PUS7L: variants seen among roughly 807,000 people sequenced by gnomAD.
The protein encoded by PUS7L is pseudouridine synthase 7 like.
Under a neutral mutation model 51.1 loss-of-function variants are expected in PUS7L, and 49 were observed. That is an observed-to-expected ratio of 0.96 (90% CI 0.76 to 1.22). The LOEUF is 1.22. Ranked by LOEUF, PUS7L falls within the 50% of genes most tolerant of loss-of-function variation. PUS7L has a pLI of 0.00. For missense variants in PUS7L, 828 were observed against 820.6 expected, an observed-to-expected ratio of 1.01 and a Z score of -0.11; for synonymous variants, 277 against 276.2, an observed-to-expected ratio of 1.00 and a Z score of -0.03.
chr12:43,755,444 C>A (rs1938656868), intron 1 of PUS7L, among the ~76,000 whole-genome samples, 183 bp from the exon 2 acceptor site: 1 of 152,080 alleles, frequency 6.6e-6, no homozygotes, highest in Non-Finnish European at 1.5e-5. Flanking sequence ...TCTCCTATAC[C>A]AAGCTGAATT....
Position 43,754,550 on chromosome 12 carries a change from G to A in PUS7L, c.696C>T (p.Thr232=). 3 of 1,609,874 alleles carry A rather than the reference G, an allele frequency of 1.9e-6. No individual in the cohort carries two copies. The highest frequency in any genetic ancestry group is 1.7e-6 in the Non-Finnish European group (2 of 1,178,650). The change falls in exon 2 of 9, where the codon ACC becomes ACT. Residue 232 remains threonine (T), a synonymous_variant. Transcript: ENST00000344862. The part of the protein sequence containing the change: ...LDAKKENSKF[T]FKPDTNKDHR... The stretch of plus-strand genomic sequence containing the variant: ...GGTCTTTGTTTGTATCAGGTTTAAA[G>A]GTAAATTTGGAATTTTCTTTCTTTG...
chr12:43,737,016 T>C (rs951545263), intron 6 of PUS7L, among the ~76,000 whole-genome samples: 5 of 152,194 alleles, frequency 3.3e-5, no homozygotes, highest in African/African-American at 1.2e-4. Context: ...AATAATTTAA[T>C]TGCTGAGCTA....
intron 7 of PUS7L, 84 bp downstream of exon 7, chr12:43,736,297 G>C (rs562250607): frequency 9.1e-7 from 1 of 1,101,370 alleles, no homozygotes; most frequent in Non-Finnish European, 1.3e-6. Context: ...TATGTTTAAA[G>C]TGTTTCTATA....
intron 1 of PUS7L, among the ~76,000 whole-genome samples, chr12:43,758,134 G>A (rs867680837): frequency 1.1e-4 from 17 of 152,202 alleles, no homozygotes; most frequent in African/African-American, 4.1e-4. Flanking sequence ...GCATGGTCAA[G>A]AACATAGCTG....
At chr12:43,747,165 G>C (rs1423665838) in intron 3 of PUS7L, among the ~76,000 whole-genome samples, 1 of 152,068 alleles carries the variant, frequency 6.6e-6, no homozygotes, top group Admixed American at 6.6e-5. Flanking sequence ...TTCACATTTT[G>C]AAGTTTATCT....
At chr12:43,744,363 AGAGT>A (rs1938062046) in intron 4 of PUS7L, among the ~76,000 whole-genome samples, 1 of 152,198 alleles carries the variant, frequency 6.6e-6, no homozygotes. Flanking sequence ...TGTTCTCATG[AGAGT>A]GAGTTCTCAC....
At position 43,748,529 on chromosome 12, in the gene PUS7L, C is replaced by A; in HGVS notation, c.991G>T (p.Asp331Tyr). ...TCTTTAAGGCCTGCATAACTAAAATCCGAAGGAATAACACCAAGTTTGATA... is the reference window on the plus strand; with the variant it reads ...TCTTTAAGGCCTGCATAACTAAAATACGAAGGAATAACACCAAGTTTGATA... ...LAIKLGVIPS[D>Y]FSYAGLKDKK... The change falls in exon 3 of 9, where the codon GAT becomes TAT. Residue 331 changes from aspartate to tyrosine, a missense_variant. Coordinates refer to ENST00000344862, the MANE Select transcript of PUS7L (RefSeq NM_031292.5). 6.2e-7 allele frequency: 1 copy of A among 1,611,770 alleles called. No homozygotes were observed.
chr12:43,749,262 A>G (rs74890729), intron 2 of PUS7L, among the ~76,000 whole-genome samples: 2,808 of 152,292 alleles, frequency 0.018, 56 homozygotes, highest in South Asian at 0.071. Flanking sequence ...AGCCTTCAAC[A>G]GTTTTGTACT....
At chr12:43,752,482 A>G (rs1938501908) in intron 2 of PUS7L, among the ~76,000 whole-genome samples, 1 of 152,210 alleles carries the variant, frequency 6.6e-6, no homozygotes, top group African/African-American at 2.4e-5. Flanking sequence ...TGACCATTAT[A>G]TCCCATCCAC....
Position 43,726,858 on chromosome 12 carries a change from A to C in PUS7L, c.*3518T>G, listed in dbSNP as rs1355674918. On this transcript the variant is annotated 3_prime_UTR_variant, in exon 9 of 9. Coordinates refer to ENST00000344862, the MANE Select transcript of PUS7L (RefSeq NM_031292.5). ...AAAAAAAAATTGACAAGTGGGACCTAATTAAACTAAATAGCTTCTGCACAG... is the reference window on the plus strand; with the variant it reads ...AAAAAAAAATTGACAAGTGGGACCTCATTAAACTAAATAGCTTCTGCACAG... The C allele has an allele frequency of 6.6e-6, 1 of 152,108 alleles. No individual in the cohort carries two copies. The highest frequency in any genetic ancestry group is 1.5e-5 in the Non-Finnish European group (1 of 68,008). The allele number at this position is 152,108 out of a possible 1,614,324, so 9.4% of individuals were successfully genotyped here.
In PUS7L at chr12:43,729,281, TA is replaced by T; in HGVS notation, c.*1094del. ...TCTTTTGGATTTTATTTCCTAATGCTAACATTTCCCAAAATGGTTAAACTGG... is the reference window on the plus strand; with the variant it reads ...TCTTTTGGATTTTATTTCCTAATGCTACATTTCCCAAAATGGTTAAACTGG... On this transcript the variant is annotated 3_prime_UTR_variant, in exon 9 of 9. Transcript: ENST00000344862. 2.5e-6 allele frequency: 1 copy of T among 397,562 alleles called. No homozygotes were observed. Among genetic ancestry groups the T allele is most frequent in the Non-Finnish European group, 4.4e-6 (1 of 225,300 alleles). 24.6% of individuals were successfully genotyped at this position (397,562 alleles called of 1,614,324 possible).
chr12:43,729,097 A>G lies in PUS7L; in HGVS notation c.*1279T>C, dbSNP rs1944495332. On this transcript the variant is annotated 3_prime_UTR_variant, in exon 9 of 9. Coordinates refer to ENST00000344862, the MANE Select transcript of PUS7L (RefSeq NM_031292.5). ...ATTTTCTCATGAAACTAAATTGTTC[A>G]TTGCTTTTTTAAATAACTACATATT... The G allele has an allele frequency of 5.1e-6, 2 of 393,694 alleles. No individual in the cohort carries two copies. Among genetic ancestry groups the G allele is most frequent in the Admixed American group, 4.4e-5 (1 of 22,606 alleles). The allele number at this position is 393,694 out of a possible 1,614,324, so 24.4% of individuals were successfully genotyped here. A position where few individuals can be genotyped will look rare whatever the true frequency, so the allele number is the denominator to read the frequency against.
chr12:43,736,449 T>G lies in PUS7L; in HGVS notation c.1657A>C (p.Arg553=), dbSNP rs1455437481. ...VSYRLETYGA[R]VVQGDLVCLD... Reference sequence around the variant, plus strand: ...CAGACCAAATCACCCTGCACTACTCTTGCTCCATAGGTTTCAAGTCTGTAA... The same window carrying G: ...CAGACCAAATCACCCTGCACTACTCGTGCTCCATAGGTTTCAAGTCTGTAA... The change falls in exon 7 of 9, where the codon AGA becomes CGA. Residue 553 remains arginine (R), a synonymous_variant. Transcript: ENST00000344862. 1.2e-6 allele frequency: 2 copies of G among 1,614,198 alleles called. No homozygotes were observed. The highest frequency in any genetic ancestry group is 3.3e-5 in the Admixed American group (2 of 60,024).
At chr12:43,731,919 T>C (rs912880225) in intron 7 of PUS7L, among the ~76,000 whole-genome samples, 161 bp from the exon 8 acceptor site, 2 of 152,178 alleles carry the variant, frequency 1.3e-5, no homozygotes, top group Non-Finnish European at 2.9e-5. Context: ...AGGAGTAGAC[T>C]ACATAAAAAT....
chr12:43,737,857 A>G (rs1937685064), intron 6 of PUS7L: 1 of 160,084 alleles, frequency 6.2e-6, no homozygotes, highest in Non-Finnish European at 1.4e-5. Flanking sequence ...CAAGCATTCT[A>G]TATGTATTCC....
intron 7 of PUS7L, among the ~76,000 whole-genome samples, chr12:43,732,459 G>GAAAA (rs561462389): frequency 7.2e-6 from 1 of 139,118 alleles, no homozygotes. Context: ...AAATAAAATT[G>GAAAA]AAAAAAAAAA....
Position 43,730,159 on chromosome 12 carries a change from A to C in PUS7L, c.*217T>G, listed in dbSNP as rs74085315. The C allele has an allele frequency of 2.9e-5, 15 of 513,246 alleles. No homozygotes were observed. The highest frequency in any genetic ancestry group is 9.0e-5 in the East Asian group (3 of 33,446). The allele number at this position is 513,246 out of a possible 1,614,324, so 31.8% of individuals were successfully genotyped here. On this transcript the variant is annotated 3_prime_UTR_variant, in exon 9 of 9. Coordinates refer to ENST00000344862, the MANE Select transcript of PUS7L (RefSeq NM_031292.5). ...CACTGAAACATATAATAGAAAAAAA[A>C]CACAGGCTTTGGGGTCACATGGACC... is the stretch of plus-strand genomic sequence containing the variant.
intron 2 of PUS7L, among the ~76,000 whole-genome samples, chr12:43,751,398 C>T (rs1308438549): frequency 6.8e-5 from 10 of 147,202 alleles, no homozygotes; most frequent in Admixed American, 1.4e-4. Context: ...CTTCCGGTGT[C>T]CAGGTGTTCT....
intron 2 of PUS7L, among the ~76,000 whole-genome samples, chr12:43,752,981 A>G (rs1010009013): frequency 6.6e-6 from 1 of 152,132 alleles, no homozygotes; most frequent in Non-Finnish European, 1.5e-5. Context: ...CAACTTTAGA[A>G]AAGTGAATTT....
Sources: allele counts gnomAD v4.1 joint callset (sites outside exome capture counted in the v4.1 genomes callset), GRCh38; gene constraint gnomAD v4.1.1; transcripts MANE v1.5; gene names NCBI Gene and HGNC (gene_info 2026-07-23, HGNC 2026-07-21).